ZNF69: variants seen among roughly 807,000 people sequenced by gnomAD.
ZNF69 encodes ZNF3.
In ZNF69, 47 loss-of-function variants were observed where a neutral mutation model predicts 50.9. The observed-to-expected ratio is 0.92, with a 90% CI of 0.73 to 1.18. The LOEUF (loss-of-function observed/expected upper bound fraction) is 1.18. Among genes scored for constraint, ZNF69 ranks in the 50% most tolerant of loss-of-function variants. ZNF69 has a pLI of 0.00. For missense variants in ZNF69, 717 were observed against 675.1 expected, an observed-to-expected ratio of 1.06 and a Z score of -0.69; for synonymous variants, 216 against 223.1, an observed-to-expected ratio of 0.97 and a Z score of 0.29.
At chr19:11,901,623 T>C (rs1972245894) in intron 1 of ZNF69, among the ~76,000 whole-genome samples, 1 of 152,036 alleles carries the variant, frequency 6.6e-6, no homozygotes, top group Admixed American at 6.5e-5. Flanking sequence ...TAACTGTGAC[T>C]ATAGGCATGT....
At chr19:11,949,077 A>G in the ZNF69 span, 1 of 1,610,062 alleles carries the variant, frequency 6.2e-7, no homozygotes. Flanking sequence ...GTTTTCAAAC[A>G]CACATAAGAA....
chr19:11,922,117 T>C, the ZNF69 span, among the ~76,000 whole-genome samples: 1 of 150,828 alleles, frequency 6.6e-6, no homozygotes, highest in Non-Finnish European at 1.5e-5. Flanking sequence ...TCCAGAGCAA[T>C]GTTGAAGGAA....
At chr19:11,951,165 AAAAG>A in the ZNF69 span, among the ~76,000 whole-genome samples, 501 of 150,380 alleles carry the variant, frequency 3.3e-3, 1 homozygote, top group Non-Finnish European at 5.2e-3. Flanking sequence ...AAAAAAAAAA[AAAAG>A]AAAGAAATTT....
intron 1 of ZNF69, among the ~76,000 whole-genome samples, chr19:11,901,979 T>C (rs1972254211): frequency 1.8e-5 from 2 of 110,338 alleles, no homozygotes; most frequent in Non-Finnish European, 3.5e-5. Context: ...TGTTATTTTC[T>C]TTTTTTTTTT....
At chr19:11,942,377 A>T in the ZNF69 span, among the ~76,000 whole-genome samples, 1 of 151,650 alleles carries the variant, frequency 6.6e-6, no homozygotes, top group South Asian at 2.1e-4. Context: ...AATTCATAGG[A>T]CTCCGTTATG....
At chr19:11,896,589 T>C (rs977914586) in intron 1 of ZNF69, among the ~76,000 whole-genome samples, 21 of 152,262 alleles carry the variant, frequency 1.4e-4, no homozygotes, top group East Asian at 1.4e-3. Context: ...TGTGTCTTCT[T>C]ATAAGAGCAC....
the ZNF69 span, among the ~76,000 whole-genome samples, chr19:11,951,235 TG>T: frequency 1.4e-5 from 2 of 147,602 alleles, no homozygotes; most frequent in African/African-American, 5.3e-5. Context: ...TGCTGGTTTT[TG>T]TTTTTTTTTT....
At chr19:11,947,461 T>G in the ZNF69 span, 1 of 1,603,166 alleles carries the variant, frequency 6.2e-7, no homozygotes. Context: ...ATCTAATAAT[T>G]TTTTCACAAT....
At chr19:11,964,920 A>T in the ZNF69 span, 1 of 432,708 alleles carries the variant, frequency 2.3e-6, no homozygotes, top group Admixed American at 3.8e-5. Flanking sequence ...GCCGGGCCTG[A>T]TACCCAAGGC....
chr19:11,945,582 A>C, the ZNF69 span, among the ~76,000 whole-genome samples: 2 of 152,024 alleles, frequency 1.3e-5, no homozygotes, highest in Non-Finnish European at 2.9e-5. Context: ...CCCAGGCTTA[A>C]CTTCTGTAGG....
chr19:11,919,708 A>G, the ZNF69 span, among the ~76,000 whole-genome samples: 2 of 152,136 alleles, frequency 1.3e-5, no homozygotes, highest in African/African-American at 4.8e-5. Flanking sequence ...GATGAGTAAG[A>G]AGAGAGAGAG....
chr19:11,941,602 C>T, the ZNF69 span, among the ~76,000 whole-genome samples: 1 of 152,214 alleles, frequency 6.6e-6, no homozygotes, highest in South Asian at 2.1e-4. Context: ...GCGGGGCCGC[C>T]AAGCCCACGC....
At chr19:11,940,390 G>A in the ZNF69 span, among the ~76,000 whole-genome samples, 51 of 152,256 alleles carry the variant, frequency 3.3e-4, no homozygotes, top group African/African-American at 1.1e-3. Flanking sequence ...CTGATGTTTG[G>A]ATGTGTTCAG....
At chr19:11,941,281 C>T in the ZNF69 span, among the ~76,000 whole-genome samples, 3,264 of 152,352 alleles carry the variant, frequency 0.021, 111 homozygotes, top group African/African-American at 0.071. Context: ...CTGCCAGTCC[C>T]GCGCCATGCG....
chr19:11,953,224 A>T, the ZNF69 span: 1 of 152,326 alleles, frequency 6.6e-6, no homozygotes. Flanking sequence ...GTGACTTTCC[A>T]CAGGATGCAA....
chr19:11,890,012 G>A (rs1285334282), intron 1 of ZNF69, among the ~76,000 whole-genome samples: 2 of 152,328 alleles, frequency 1.3e-5, no homozygotes, highest in East Asian at 1.9e-4. Context: ...CAGTATTGCT[G>A]CCAGCATATC....
the ZNF69 span, among the ~76,000 whole-genome samples, chr19:11,928,535 A>G: frequency 6.7e-6 from 1 of 148,960 alleles, no homozygotes; most frequent in African/African-American, 2.6e-5. Flanking sequence ...GATCGAGACC[A>G]TCCCGGCTAA....
At chr19:11,960,192 G>C in the ZNF69 span, among the ~76,000 whole-genome samples, 1 of 152,016 alleles carries the variant, frequency 6.6e-6, no homozygotes, top group Non-Finnish European at 1.5e-5. Context: ...GCTAATTTTT[G>C]TATTTTTAGT....
At chr19:11,941,107 G>A in the ZNF69 span, among the ~76,000 whole-genome samples, 51 of 152,336 alleles carry the variant, frequency 3.3e-4, no homozygotes, top group African/African-American at 1.1e-3. Flanking sequence ...TAGACACAGG[G>A]TGCTGATTGG....
Sources: gnomAD v4.1 joint callset for allele counts (sites outside exome capture counted in the v4.1 genomes callset) on GRCh38, gnomAD v4.1.1 for gene constraint, MANE v1.5 for transcripts, NCBI Gene and HGNC (gene_info 2026-07-23, HGNC 2026-07-21) for gene names.